PIWIL2: variants seen among roughly 807,000 people sequenced by gnomAD.
PIWIL2 encodes piwi like RNA-mediated gene silencing 2.
In PIWIL2, 81 loss-of-function variants were observed where a neutral mutation model predicts 116.5. That is an observed-to-expected ratio of 0.70 (90% CI 0.58 to 0.84). The LOEUF (loss-of-function observed/expected upper bound fraction) is 0.84, where lower values mean the gene tolerates loss of function less well. PIWIL2 is among the 40% of genes least tolerant of loss of function. PIWIL2 has a pLI of 0.00. For missense variants in PIWIL2, 1,272 were observed against 1,212.3 expected, an observed-to-expected ratio of 1.05 and a Z score of -0.73; for synonymous variants, 489 against 429.5, an observed-to-expected ratio of 1.14 and a Z score of -1.71.
At chr8:22,354,148 C>G in intron 21 of PIWIL2, 123 bp from the exon 22 acceptor site, 1 of 672,518 alleles carries the variant, frequency 1.5e-6, no homozygotes, top group East Asian at 2.7e-5. Flanking sequence ...CCTCTGTGTC[C>G]TTGATCCAGT....
intron 10 of PIWIL2, among the ~76,000 whole-genome samples, chr8:22,299,254 A>T (rs1227886036): frequency 1.3e-5 from 2 of 149,410 alleles, no homozygotes; most frequent in African/African-American, 4.9e-5. Flanking sequence ...CTTGTTGCCC[A>T]GGCTGGAGTG....
intron 20 of PIWIL2, among the ~76,000 whole-genome samples, chr8:22,337,034 A>T (rs1472291477): frequency 6.6e-6 from 1 of 152,188 alleles, no homozygotes; most frequent in Non-Finnish European, 1.5e-5. Flanking sequence ...AAAATACTGA[A>T]ATTTCAGAAT....
At chr8:22,277,297 C>T (rs552332840) in intron 1 of PIWIL2, among the ~76,000 whole-genome samples, 1 of 152,312 alleles carries the variant, frequency 6.6e-6, no homozygotes, top group South Asian at 2.1e-4. Context: ...GCTGTGATTA[C>T]AGGCATGGGC....
At chr8:22,322,320 G>C (rs1450691136) in intron 20 of PIWIL2, among the ~76,000 whole-genome samples, 1 of 151,554 alleles carries the variant, frequency 6.6e-6, no homozygotes, top group Non-Finnish European at 1.5e-5. Flanking sequence ...TCACAGTCTC[G>C]GTTCACTGCA....
intron 6 of PIWIL2, among the ~76,000 whole-genome samples, chr8:22,287,078 C>G (rs992629154): frequency 6.7e-6 from 1 of 149,840 alleles, no homozygotes; most frequent in Non-Finnish European, 1.5e-5. Context: ...AAGGAAGACC[C>G]TATCTCAAAA....
intron 21 of PIWIL2, among the ~76,000 whole-genome samples, chr8:22,353,629 C>G (rs1241235892): frequency 6.6e-6 from 1 of 152,100 alleles, no homozygotes; most frequent in Non-Finnish European, 1.5e-5. Context: ...CAGAGAGAGA[C>G]TCTGTCTCAA....
chr8:22,282,715 C>T (rs1278824133), intron 4 of PIWIL2, among the ~76,000 whole-genome samples: 8 of 152,136 alleles, frequency 5.3e-5, no homozygotes, highest in East Asian at 1.9e-4. Flanking sequence ...CTCAGCCACC[C>T]GAGTAGCTGG....
rs1466548252 is a variant in PIWIL2, at chr8:22,331,311, CATAGTGAGA to C, written c.2403+13037_2403+13045del. ...AGGAGTCTGCAACCAGCCTGCTCAA[CATAGTGAGA>C]TCTCGTCTCTACAAAAAAGAAATTA... On this transcript the variant is annotated intron_variant, in intron 20 of 22. Coordinates refer to ENST00000356766, the MANE Select transcript of PIWIL2 (RefSeq NM_018068.5). Among the ~76,000 whole-genome samples, 6 of 152,160 alleles carry C rather than the reference CATAGTGAGA, an allele frequency of 3.9e-5. No homozygotes were observed. In the South Asian group the frequency reaches 1.2e-3, roughly 32 times the overall value.
intron 20 of PIWIL2, chr8:22,322,008 A>C: frequency 1.0e-6 from 1 of 984,286 alleles, no homozygotes; most frequent in Non-Finnish European, 1.2e-6. Flanking sequence ...AAATGCTTCC[A>C]AATACTGTTT....
intron 20 of PIWIL2, among the ~76,000 whole-genome samples, chr8:22,335,234 G>A (rs1831953489): frequency 6.6e-6 from 1 of 152,040 alleles, no homozygotes; most frequent in Non-Finnish European, 1.5e-5. Context: ...AGAACAAATA[G>A]CAAAAAGGTA....
chr8:22,311,432 A>G (rs2132044290), intron 16 of PIWIL2, 132 bp downstream of exon 16: 1 of 691,946 alleles, frequency 1.4e-6, no homozygotes, highest in Non-Finnish European at 2.4e-6. Flanking sequence ...GCGCACATGA[A>G]ATACTGATTG....
intron 20 of PIWIL2, among the ~76,000 whole-genome samples, chr8:22,349,342 C>A (rs958575838): frequency 6.7e-6 from 1 of 149,418 alleles, no homozygotes; most frequent in Non-Finnish European, 1.5e-5. Flanking sequence ...TATTAAGTCC[C>A]TTCTTTGTGC....
At chr8:22,312,702 A>G (rs1395735041) in intron 16 of PIWIL2, among the ~76,000 whole-genome samples, 3 of 152,148 alleles carry the variant, frequency 2.0e-5, no homozygotes, top group Admixed American at 6.5e-5. Flanking sequence ...GTACAGTGGC[A>G]TGATCATAGC....
chr8:22,329,724 A>G (rs530650957), intron 20 of PIWIL2, among the ~76,000 whole-genome samples: 9 of 152,248 alleles, frequency 5.9e-5, no homozygotes, highest in African/African-American at 2.2e-4. Flanking sequence ...GTTCCTGTAT[A>G]GTTCTATTCT....
chr8:22,342,799 C>T (rs891601388), intron 20 of PIWIL2, among the ~76,000 whole-genome samples: 5 of 151,904 alleles, frequency 3.3e-5, no homozygotes, highest in Non-Finnish European at 5.9e-5. Flanking sequence ...TTCTGGGAAA[C>T]ACTGATAAGA....
chr8:22,306,622 C>T (rs1586561421), intron 13 of PIWIL2, among the ~76,000 whole-genome samples: 1 of 152,308 alleles, frequency 6.6e-6, no homozygotes, highest in East Asian at 1.9e-4. Flanking sequence ...CACGCTTGAA[C>T]TCCTCTCTGC....
In PIWIL2 at chr8:22,279,486, C is replaced by T. The variant is rs1429056626; in HGVS notation, c.100C>T (p.Pro34Ser). ...MPGCWPQASK[P>S]LDPALGRGAP... ...AGGCTGTTGGCCACAAGCTTCTAAA[C>T]CTTTGGACCCAGCTCTGGGCAGGGG... is the stretch of plus-strand genomic sequence containing the variant. The change falls in exon 2 of 23, where the codon CCT becomes TCT. Residue 34 changes from proline (P) to serine (S), a missense_variant. Physicochemically the swap from Pro to Ser is moderately conservative, Grantham distance 74 (BLOSUM62 -1). Transcript: ENST00000356766. 4 of 1,614,188 alleles carry T rather than the reference C, an allele frequency of 2.5e-6. No homozygotes were observed. The highest frequency in any genetic ancestry group is 3.4e-6 in the Non-Finnish European group (4 of 1,180,014).
At chr8:22,340,418 C>T (rs1316416987) in intron 20 of PIWIL2, among the ~76,000 whole-genome samples, 1 of 152,144 alleles carries the variant, frequency 6.6e-6, no homozygotes, top group Admixed American at 6.6e-5. Flanking sequence ...AGATTTATGT[C>T]CACCTGGAAC....
intron 19 of PIWIL2, among the ~76,000 whole-genome samples, chr8:22,317,380 T>C (rs983405533): frequency 3.9e-5 from 6 of 151,978 alleles, no homozygotes; most frequent in African/African-American, 1.4e-4. Flanking sequence ...ACATGTGATA[T>C]ATATCTCTGA....
Sources: allele counts gnomAD v4.1 joint callset (sites outside exome capture counted in the v4.1 genomes callset), GRCh38; gene constraint gnomAD v4.1.1; transcripts MANE v1.5; gene names NCBI Gene and HGNC (gene_info 2026-07-23, HGNC 2026-07-21).